The following SEMA3F variants were observed in gnomAD, a reference collection of about 807,000 sequenced individuals.
The protein encoded by SEMA3F is semaphorin-3F.
In SEMA3F, 30 loss-of-function variants were observed where a neutral mutation model predicts 98.5. The ratio of observed to expected loss-of-function variants is 0.30; its 90% CI spans 0.23 to 0.41. The LOEUF is 0.41. Among genes scored for constraint, SEMA3F ranks in the 10% least tolerant of loss-of-function variants. SEMA3F has a pLI of 1.00. For synonymous variants in SEMA3F, 380 were observed against 444.8 expected, an observed-to-expected ratio of 0.85 and a Z score of 1.83; for missense variants, 866 against 1,119.3, an observed-to-expected ratio of 0.77 and a Z score of 3.23.
At chr3:50,164,068 T>C (rs555974204) in intron 2 of SEMA3F, among the ~76,000 whole-genome samples, 1 of 152,326 alleles carries the variant, frequency 6.6e-6, no homozygotes, top group African/African-American at 2.4e-5. Context: ...ACAGGGTCCT[T>C]GTGCTTGCTG....
intron 12 of SEMA3F, 21 bp downstream of exon 12, chr3:50,183,585 G>C: frequency 6.2e-7 from 1 of 1,611,482 alleles, no homozygotes; most frequent in Non-Finnish European, 8.5e-7. Context: ...CACTCATCCT[G>C]CCTCTCCCCT....
chr3:50,170,917 C>G (rs1251946229), intron 2 of SEMA3F, among the ~76,000 whole-genome samples: 1 of 152,170 alleles, frequency 6.6e-6, no homozygotes, highest in Non-Finnish European at 1.5e-5. Context: ...GTGCCCTGTC[C>G]ACGGGGAGCG....
At chr3:50,174,496 TC>T in intron 5 of SEMA3F, 146 bp downstream of exon 5, 1 of 984,498 alleles carries the variant, frequency 1.0e-6, no homozygotes, top group South Asian at 1.7e-5. Flanking sequence ...TCGCTGAGCC[TC>T]AGTTTCTTCA....
rs1697933894 is a variant in SEMA3F at position 50,155,392 on chromosome 3, C to T, written c.-221C>T. 1 of 286,320 alleles carries T rather than the reference C, an allele frequency of 3.5e-6. No individual in the cohort carries two copies. The highest frequency in any genetic ancestry group is 2.2e-5 in the African/African-American group (1 of 44,564). 17.7% of individuals were successfully genotyped at this position (286,320 alleles called of 1,614,324 possible). Reference sequence around the variant, plus strand: ...CCTCGGCTGCTGACGCGCCCGAAGCCCGCGGAACCGGTTAAGCCGCGGCCG... The same window carrying T: ...CCTCGGCTGCTGACGCGCCCGAAGCTCGCGGAACCGGTTAAGCCGCGGCCG... On this transcript the variant is annotated 5_prime_UTR_variant, in exon 1 of 19. Transcript: ENST00000002829. The surrounding 1 kb of genome is among the most constrained non-coding windows in gnomAD (Gnocchi z 4.9).
intron 18 of SEMA3F, among the ~76,000 whole-genome samples, chr3:50,187,352 G>A: frequency 6.6e-6 from 1 of 151,104 alleles, no homozygotes. Context: ...GAGCCTGGGA[G>A]GCAGAGGTTG....
intron 7 of SEMA3F, among the ~76,000 whole-genome samples, chr3:50,178,554 T>C (rs1329701484): frequency 6.6e-6 from 1 of 151,550 alleles, no homozygotes; most frequent in Admixed American, 6.6e-5. Flanking sequence ...AAACTCTGTC[T>C]CTACTAAAAA....
Position 50,155,731 on chromosome 3 carries a change from T to G in SEMA3F, c.-49+167T>G. Reference sequence around the variant, plus strand: ...GGCAACAAGGCTGGGGTGGGATTCTTACCTGTCCTGGAGGCCCGGACCCCT... The same window carrying G: ...GGCAACAAGGCTGGGGTGGGATTCTGACCTGTCCTGGAGGCCCGGACCCCT... On this transcript the variant is annotated intron_variant, in intron 1 of 18. Coordinates refer to ENST00000002829, the MANE Select transcript of SEMA3F (RefSeq NM_004186.5). The surrounding 1 kb of genome is among the most constrained non-coding windows in gnomAD (Gnocchi z 4.9). 2 of 224,748 alleles carry G rather than the reference T, an allele frequency of 8.9e-6. No individual in the cohort carries two copies. Among genetic ancestry groups the G allele is most frequent in the Non-Finnish European group, 8.6e-6 (1 of 115,800 alleles). The allele number at this position is 224,748 out of a possible 1,614,324, so 13.9% of individuals were successfully genotyped here.
chr3:50,183,410 A>T lies in SEMA3F; in HGVS notation c.1089-10A>T, dbSNP rs777297672. ...TCTGTCCTGCTCAGCAGCGCCTGCCATGCCCACAGCTCCGTGTTCCGAGGC... is the reference window on the plus strand; with the variant it reads ...TCTGTCCTGCTCAGCAGCGCCTGCCTTGCCCACAGCTCCGTGTTCCGAGGC... On this transcript the variant is annotated splice_polypyrimidine_tract_variant and intron_variant, in intron 11 of 18. Coordinates refer to ENST00000002829, the MANE Select transcript of SEMA3F (RefSeq NM_004186.5). 3.1e-6 allele frequency: 5 copies of T among 1,613,734 alleles called. No individual in the cohort carries two copies. The highest frequency in any genetic ancestry group is 1.3e-5 in the African/African-American group (1 of 74,910).
intron 17 of SEMA3F, 132 bp downstream of exon 17, chr3:50,186,480 G>A: frequency 1.4e-6 from 2 of 1,402,936 alleles, no homozygotes; most frequent in Non-Finnish European, 2.0e-6. Context: ...TAATGGAGAT[G>A]GGATGTCCCT....
In SEMA3F at chr3:50,182,614, G is replaced by T; in HGVS notation, c.764-30G>T. On this transcript the variant is annotated intron_variant, in intron 8 of 18. Coordinates refer to ENST00000002829, the MANE Select transcript of SEMA3F (RefSeq NM_004186.5). The surrounding 1 kb of genome is among the most constrained non-coding windows in gnomAD (Gnocchi z 4.5). ...CATCAGGGGCACCATCAGAGTAGGGGCTCACCCAGCTGACCCCTGCCACCT... is the reference window on the plus strand; with the variant it reads ...CATCAGGGGCACCATCAGAGTAGGGTCTCACCCAGCTGACCCCTGCCACCT... 6.2e-7 allele frequency: 1 copy of T among 1,606,352 alleles called. No individual in the cohort carries two copies. Among genetic ancestry groups the T allele is most frequent in the Non-Finnish European group, 8.5e-7 (1 of 1,174,712 alleles).
At chr3:50,187,120 G>T (rs1163115048) in intron 18 of SEMA3F, among the ~76,000 whole-genome samples, 1 of 152,090 alleles carries the variant, frequency 6.6e-6, no homozygotes, top group Non-Finnish European at 1.5e-5. Flanking sequence ...ATCCCAATTG[G>T]ATATTCTCGT....
chr3:50,159,785 C>T (rs777491001), intron 2 of SEMA3F, 51 bp downstream of exon 2: 1 of 1,212,692 alleles, frequency 8.2e-7, no homozygotes, highest in Admixed American at 1.7e-5. Context: ...TTTACAATAG[C>T]GCTCGGCTCC....
chr3:50,158,734 C>T lies in SEMA3F; in HGVS notation c.-48-841C>T, dbSNP rs1236031758. ...GAGCAATATGTTCTGACAACTGGTG[C>T]TGGGCTGCGTTTACCCAACAGCCAG... is the stretch of plus-strand genomic sequence containing the variant. On this transcript the variant is annotated intron_variant, in intron 1 of 18. Transcript: ENST00000002829. This position sits in a 1 kb window ranked among gnomAD's most constrained non-coding sequence, Gnocchi z 4.8. Among the ~76,000 whole-genome samples the T allele has an allele frequency of 1.3e-5, 2 of 152,202 alleles. No individual in the cohort carries two copies. The highest frequency in any genetic ancestry group is 2.9e-5 in the Non-Finnish European group (2 of 68,042).
Position 50,185,540 on chromosome 3 carries a change from G to C in SEMA3F, c.1545+9G>C. On this transcript the variant is annotated intron_variant, in intron 14 of 18. Transcript: ENST00000002829. ...AGGTGGAGGTCTTCAAGGTGGGTGT[G>C]ACACCACCCAGTCCTGACCTCCCCA... 6.2e-7 allele frequency: 1 copy of C among 1,612,512 alleles called. No homozygotes were observed. The highest frequency in any genetic ancestry group is 8.5e-7 in the Non-Finnish European group (1 of 1,178,654).
chr3:50,186,732 G>T lies in SEMA3F; in HGVS notation c.1933G>T (p.Asp645Tyr), dbSNP rs1207329702. ...GTGGCTGTTCCAGCGAGATCCTGGT[G>T]ACCGGCGCCGAGAGGTGAGTTCCTG... ...VKWLFQRDPGDRRREIRAEDR... is the reference protein window; with the variant it reads ...VKWLFQRDPGYRRREIRAEDR... Residue 645 changes from aspartate to tyrosine, a missense_variant, in exon 18 of 19, where the codon GAC (aspartate) becomes TAC (tyrosine). Transcript: ENST00000002829. The T allele has an allele frequency of 6.2e-7, 1 of 1,602,334 alleles. No homozygotes were observed. Among genetic ancestry groups the T allele is most frequent in the Non-Finnish European group, 8.5e-7 (1 of 1,170,818 alleles).
At chr3:50,167,641 G>C (rs1384230436) in intron 2 of SEMA3F, among the ~76,000 whole-genome samples, 1 of 148,448 alleles carries the variant, frequency 6.7e-6, no homozygotes, top group Non-Finnish European at 1.5e-5. Context: ...CTTTACCCCT[G>C]TACGGTGTTT....
chr3:50,172,846 CAG>C (rs1698665415), intron 2 of SEMA3F, among the ~76,000 whole-genome samples: 1 of 152,160 alleles, frequency 6.6e-6, no homozygotes, highest in South Asian at 2.1e-4. Context: ...GGCTCCATGC[CAG>C]AGTCTGCCGG....
At chr3:50,164,333 A>G (rs548135133) in intron 2 of SEMA3F, among the ~76,000 whole-genome samples, 2 of 152,210 alleles carry the variant, frequency 1.3e-5, no homozygotes, top group Non-Finnish European at 2.9e-5. Context: ...CTGCTTCGTA[A>G]TCGTAAAGAA....
chr3:50,188,157 T>C lies in SEMA3F; in HGVS notation c.*42T>C. On this transcript the variant is annotated 3_prime_UTR_variant, in exon 19 of 19. Coordinates refer to ENST00000002829, the MANE Select transcript of SEMA3F (RefSeq NM_004186.5). The surrounding 1 kb of genome is among the most constrained non-coding windows in gnomAD (Gnocchi z 4.5). ...CTGCCATGGGCCAGCCTAGCCCTTG[T>C]CCCTTTTAATATAAAAGATATATAT... The C allele has an allele frequency of 1.9e-6, 2 of 1,042,052 alleles. No homozygotes were observed. The highest frequency in any genetic ancestry group is 2.5e-6 in the Non-Finnish European group (2 of 792,474). 64.6% of individuals were successfully genotyped at this position (1,042,052 alleles called of 1,614,324 possible).
Sources: allele counts gnomAD v4.1 joint callset (sites outside exome capture counted in the v4.1 genomes callset), GRCh38; gene constraint gnomAD v4.1.1; non-coding constraint Gnocchi (gnomAD v3.1); transcripts MANE v1.5; gene names NCBI Gene and HGNC (gene_info 2026-07-23, HGNC 2026-07-21).